The following ESRRG variants were observed in gnomAD, a reference collection of about 807,000 sequenced individuals.
ESRRG encodes the protein estrogen related receptor gamma.
ESRRG carries 13 observed loss-of-function variants against 44.0 expected under a neutral mutation model. The observed-to-expected ratio is 0.30, with a 90% confidence interval of 0.19 to 0.47. The LOEUF is 0.47. Among genes scored for constraint, ESRRG ranks in the 20% least tolerant of loss-of-function variants. The pLI, the probability that ESRRG is intolerant of heterozygous loss-of-function variation, is 1.00. For synonymous variants in ESRRG, 215 were observed against 214.6 expected (o/e 1.00, Z -0.02); for missense variants, 395 against 580.6 (o/e 0.68, Z 3.29).
intron 2 of ESRRG, among the ~76,000 whole-genome samples, chr1:216,896,432 C>T (rs2058427437): frequency 6.6e-6 from 1 of 151,986 alleles, no homozygotes; most frequent in South Asian, 2.1e-4. Flanking sequence ...TCACGGAAAT[C>T]GAAACAAAAC....
chr1:216,540,079 A>G (rs1384813883), intron 5 of ESRRG, among the ~76,000 whole-genome samples: 2 of 152,042 alleles, frequency 1.3e-5, no homozygotes, highest in East Asian at 3.9e-4. Context: ...GCCACATTGT[A>G]TGTAGAATTT....
At chr1:216,517,227 A>G (rs978900254) in intron 6 of ESRRG, among the ~76,000 whole-genome samples, 6 of 152,162 alleles carry the variant, frequency 3.9e-5, no homozygotes, top group African/African-American at 1.4e-4. Flanking sequence ...AAATAAATGA[A>G]CTAATTCTTT....
chr1:217,022,278 A>G (rs2080445540), intron 1 of ESRRG, among the ~76,000 whole-genome samples: 1 of 152,224 alleles, frequency 6.6e-6, no homozygotes, highest in South Asian at 2.1e-4. Context: ...TCTGATGGTT[A>G]GTTTTCATTT....
At chr1:216,691,483 T>C (rs1399541328) in intron 1 of ESRRG, among the ~76,000 whole-genome samples, 1 of 152,194 alleles carries the variant, frequency 6.6e-6, no homozygotes, top group African/African-American at 2.4e-5. Flanking sequence ...CCTAGATGAC[T>C]TTCCTTAGCA....
intron 3 of ESRRG, among the ~76,000 whole-genome samples, chr1:216,642,981 A>G (rs868671716): frequency 2.2e-4 from 34 of 152,316 alleles, no homozygotes; most frequent in African/African-American, 7.9e-4. Context: ...CTTTAAATGA[A>G]CATTTTGTTA....
intron 5 of ESRRG, among the ~76,000 whole-genome samples, chr1:216,549,363 T>A (rs2055561332): frequency 6.6e-6 from 1 of 152,050 alleles, no homozygotes; most frequent in Non-Finnish European, 1.5e-5. Flanking sequence ...GGGAAAAGTA[T>A]GAATATTGAT....
chr1:216,642,095 G>A (rs1040805139), intron 3 of ESRRG, among the ~76,000 whole-genome samples: 1 of 152,062 alleles, frequency 6.6e-6, no homozygotes, highest in African/African-American at 2.4e-5. Context: ...TGTTCCCAAA[G>A]AATAACTACA....
chr1:216,537,454 G>A (rs1183233446), intron 5 of ESRRG, among the ~76,000 whole-genome samples: 1 of 152,052 alleles, frequency 6.6e-6, no homozygotes, highest in Non-Finnish European at 1.5e-5. Flanking sequence ...CAGAGGGAAT[G>A]GAAAAGACAC....
At chr1:217,003,570 C>T (rs60907918) in intron 1 of ESRRG, among the ~76,000 whole-genome samples, 17,433 of 115,326 alleles carry the variant, frequency 0.15, 1,707 homozygotes, top group African/African-American at 0.36. Flanking sequence ...AGTATTAATA[C>T]TAATTAATAA....
rs540592446 is a variant in ESRRG at position 216,787,098 on chromosome 1, C to T, written c.-13-109607G>A. On this transcript the variant is annotated intron_variant, in intron 2 of 7. Coordinates refer to the ESRRG transcript ENST00000359162. ...TTTGTCATTCTCATAACATTTCAAA[C>T]TTTAAGGTGATCTGTGATCGGTGAT... 2.0e-5 allele frequency among the ~76,000 whole-genome samples: 3 copies of T among 152,176 alleles called. 1 individual carries two copies. The South Asian group carries it at 6.2e-4, about 32-fold the overall frequency.
At chr1:217,076,666 G>A (rs2091324906) in intron 1 of ESRRG, among the ~76,000 whole-genome samples, 3 of 152,250 alleles carry the variant, frequency 2.0e-5, no homozygotes, top group South Asian at 2.1e-4. Flanking sequence ...CTGAGTTTAC[G>A]AATTAATCTG....
intron 2 of ESRRG, among the ~76,000 whole-genome samples, chr1:216,663,676 A>G (rs1287004245): frequency 3.3e-5 from 5 of 152,148 alleles, no homozygotes; most frequent in African/African-American, 1.2e-4. Context: ...AACAACAACA[A>G]CAACAACAAA....
rs2095117293 is a variant in ESRRG at position 216,815,801 on chromosome 1, G to T, written c.-14+123781C>A. On this transcript the variant is annotated intron_variant, in intron 2 of 7. Coordinates refer to the ESRRG transcript ENST00000359162. ...CCCTGGCTAATTTTTGTAGCATAAG[G>T]GTGTAGACTATTTAAAACTATTCCC... Among the ~76,000 whole-genome samples, 3 of 152,124 alleles carry T rather than the reference G, an allele frequency of 2.0e-5. No homozygotes were observed. In the South Asian group the frequency reaches 6.2e-4, roughly 32 times the overall value.
chr1:217,064,933 G>A (rs2089364298), intron 1 of ESRRG, among the ~76,000 whole-genome samples: 1 of 152,096 alleles, frequency 6.6e-6, no homozygotes, highest in South Asian at 2.1e-4. Context: ...TGAGGAAGGA[G>A]TAGGGACAAA....
At chr1:217,030,660 C>A (rs1403625636) in intron 1 of ESRRG, among the ~76,000 whole-genome samples, 1 of 152,176 alleles carries the variant, frequency 6.6e-6, no homozygotes. Context: ...TGTCAATAAA[C>A]TAAAGGAGAT....
chr1:217,112,605 G>A (rs1035108513), intron 1 of ESRRG, among the ~76,000 whole-genome samples: 1 of 152,048 alleles, frequency 6.6e-6, no homozygotes, highest in Non-Finnish European at 1.5e-5. Context: ...AGGAAGAGAG[G>A]GATGGATTAA....
chr1:216,649,594 T>G (rs1355349075), intron 3 of ESRRG, among the ~76,000 whole-genome samples: 3 of 152,030 alleles, frequency 2.0e-5, no homozygotes, highest in African/African-American at 7.2e-5. Flanking sequence ...TATATATATA[T>G]TTACTTAGTA....
chr1:216,956,063 TACTTTTTGG>T (rs1394093768), intron 1 of ESRRG, among the ~76,000 whole-genome samples: 2 of 152,132 alleles, frequency 1.3e-5, no homozygotes. Flanking sequence ...GTTTAATATC[TACTTTTTGG>T]TTGCTGTCTG....
intron 3 of ESRRG, among the ~76,000 whole-genome samples, chr1:216,597,215 G>A (rs1403593000): frequency 1.3e-5 from 2 of 152,158 alleles, no homozygotes. Context: ...TGCTAGGCAT[G>A]AGACAATACC....
Sources: allele counts gnomAD v4.1 joint callset (sites outside exome capture counted in the v4.1 genomes callset), GRCh38; gene constraint gnomAD v4.1.1; transcripts MANE v1.5; gene names NCBI Gene and HGNC (gene_info 2026-07-23, HGNC 2026-07-21).